Variants in R3HDM1 observed in about 807,000 individuals in gnomAD.
R3HDM1 encodes the protein R3H domain-containing protein 1.
Under a neutral mutation model 141.1 loss-of-function variants are expected in R3HDM1, and 46 were observed. The ratio of observed to expected loss-of-function variants is 0.33; its 90% confidence interval spans 0.26 to 0.42. R3HDM1 has a LOEUF of 0.42. R3HDM1 is among the 10% of genes least tolerant of loss of function. R3HDM1 has a pLI of 1.00. For missense variants in R3HDM1, 1,184 were observed against 1,368.3 expected (o/e 0.87, Z 2.12); for synonymous variants, 435 against 472.9 (o/e 0.92, Z 1.04).
At chr2:135,631,404 CAAA>C (rs760443899) in intron 7 of R3HDM1, among the ~76,000 whole-genome samples, 5 of 116,442 alleles carry the variant, frequency 4.3e-5, no homozygotes, top group African/African-American at 9.5e-5. Flanking sequence ...TGTGTGTAAG[CAAA>C]AAAAAAAAAA....
chr2:135,633,706 C>A (rs1020408946), intron 9 of R3HDM1: 1 of 152,126 alleles, frequency 6.6e-6, no homozygotes, highest in African/African-American at 2.4e-5. Context: ...GGAGATTACC[C>A]GCTCCAGCCT....
At chr2:135,620,698 A>G in intron 5 of R3HDM1, 1 of 939,466 alleles carries the variant, frequency 1.1e-6, no homozygotes, top group Non-Finnish European at 1.3e-6. Flanking sequence ...AGAATTTATT[A>G]TAGCTTTCTT....
Position 135,559,841 on chromosome 2 carries a change from T to C in R3HDM1, c.-250+28208T>C, listed in dbSNP as rs752896881. ...GCTGACTATAGCTTTCTCTCAGTAA[T>C]AAATTCATCTAAGTAATGAAACATT... On this transcript the variant is annotated intron_variant, in intron 1 of 26. Coordinates refer to ENST00000683871, the MANE Select transcript of R3HDM1 (RefSeq NM_001378107.1). 8.3e-4 allele frequency among the ~76,000 whole-genome samples: 126 copies of C among 152,226 alleles called. 2 individuals are homozygous for C. The highest frequency in any genetic ancestry group is 2.8e-4 in the Non-Finnish European group (19 of 68,038).
At chr2:135,624,152 T>A (rs2061768763) in intron 7 of R3HDM1, among the ~76,000 whole-genome samples, 1 of 152,104 alleles carries the variant, frequency 6.6e-6, no homozygotes, top group African/African-American at 2.4e-5. Context: ...TCCCAGCACT[T>A]TGGGAGGCCG....
rs368164506 is a variant in R3HDM1 at position 135,710,145 on chromosome 2, C to G, written c.2650C>G (p.Pro884Ala). ...TCCACAATCTTGTGCCCACTCACCC[C>G]CGCAGTGGAAACAAAACAAATATTA... The part of the protein sequence containing the change: ...NNPQSCAHSP[P>A]QWKQNKYYCD... Residue 884 changes from proline to alanine, a missense_variant, in exon 23 of 27, where the codon CCG becomes GCG. Pro to Ala is a conservative substitution (Grantham distance 27). Transcript: ENST00000683871. The G allele has an allele frequency of 1.1e-4, 178 of 1,613,914 alleles. No homozygotes were observed. Among genetic ancestry groups the G allele is most frequent in the Non-Finnish European group, 1.4e-4 (163 of 1,179,906 alleles).
rs1399604576 is a variant in R3HDM1, at chr2:135,721,917, C to G, written c.2882-7C>G. On this transcript the variant is annotated splice_region_variant and splice_polypyrimidine_tract_variant and intron_variant, in intron 24 of 26. Transcript: ENST00000683871. ...GCAATAAAATAAAATATTTTATTGA[C>G]TTTCAGGAGATTCCAGGTATCCATT... The G allele has an allele frequency of 6.2e-7, 1 of 1,610,310 alleles. No homozygotes were observed. The highest frequency in any genetic ancestry group is 8.5e-7 in the Non-Finnish European group (1 of 1,176,784).
At chr2:135,618,683 GA>G (rs1224645554) in intron 5 of R3HDM1, among the ~76,000 whole-genome samples, 2 of 151,490 alleles carry the variant, frequency 1.3e-5, no homozygotes, top group Non-Finnish European at 2.9e-5. Context: ...AATACAGTCT[GA>G]AAAAAAACCA....
At chr2:135,640,522 T>G (rs921197618) in intron 14 of R3HDM1, among the ~76,000 whole-genome samples, 3 of 152,200 alleles carry the variant, frequency 2.0e-5, no homozygotes, top group African/African-American at 7.2e-5. Flanking sequence ...TGAAAAGAAA[T>G]ATTAATTGGC....
At chr2:135,591,727 C>T (rs1322632803) in intron 1 of R3HDM1, among the ~76,000 whole-genome samples, 2 of 152,216 alleles carry the variant, frequency 1.3e-5, no homozygotes, top group Non-Finnish European at 2.9e-5. Flanking sequence ...CCCTGCTGAT[C>T]AGCTGGCTAC....
At chr2:135,552,300 A>G (rs930734486) in intron 1 of R3HDM1, among the ~76,000 whole-genome samples, 1 of 151,916 alleles carries the variant, frequency 6.6e-6, no homozygotes, top group African/African-American at 2.4e-5. Flanking sequence ...AGTTCAAGCA[A>G]TTCTCCCCCC....
At chr2:135,545,023 A>C (rs1270329819) in intron 1 of R3HDM1, among the ~76,000 whole-genome samples, 1 of 152,194 alleles carries the variant, frequency 6.6e-6, no homozygotes, top group Non-Finnish European at 1.5e-5. Context: ...ATAAAATGTA[A>C]ATAACCCCAC....
rs764463068 is a variant in R3HDM1 at position 135,702,476 on chromosome 2, C to T, written c.2460-6957C>T. On this transcript the variant is annotated intron_variant, in intron 21 of 26. Coordinates refer to ENST00000683871, the MANE Select transcript of R3HDM1 (RefSeq NM_001378107.1). ...GAGATCGAGACCATCCTGGCTAACA[C>T]GATGAAACCCCATCTCTACTAAAAA... is the stretch of plus-strand genomic sequence containing the variant. Among the ~76,000 whole-genome samples, 11 of 151,730 alleles carry T rather than the reference C, an allele frequency of 7.2e-5. No individual in the cohort carries two copies. The South Asian group carries it at 8.3e-4, about 11-fold the overall frequency.
intron 21 of R3HDM1, among the ~76,000 whole-genome samples, chr2:135,700,750 G>GA (rs1485297817): frequency 2.0e-5 from 3 of 152,122 alleles, no homozygotes; most frequent in Admixed American, 2.0e-4. Flanking sequence ...AACATAAAGA[G>GA]AAAAGACACA....
At chr2:135,651,414 A>C (rs1010411615) in intron 17 of R3HDM1, 1 of 979,648 alleles carries the variant, frequency 1.0e-6, no homozygotes, top group Non-Finnish European at 1.2e-6. Context: ...TTTCACTTCT[A>C]CATTCTAATG....
At chr2:135,571,234 A>T (rs1382634206) in intron 1 of R3HDM1, among the ~76,000 whole-genome samples, 1 of 152,208 alleles carries the variant, frequency 6.6e-6, no homozygotes, top group Admixed American at 6.5e-5. Context: ...ATTTTCACAG[A>T]TGGAAAAAAA....
intron 1 of R3HDM1, among the ~76,000 whole-genome samples, chr2:135,541,223 C>A (rs774367864): frequency 7.3e-5 from 11 of 151,606 alleles, no homozygotes; most frequent in Non-Finnish European, 1.2e-4. Context: ...TTTTTGGAGA[C>A]AGAGTCTTGC....
At chr2:135,707,855 A>C (rs2075133925) in intron 21 of R3HDM1, among the ~76,000 whole-genome samples, 3 of 152,302 alleles carry the variant, frequency 2.0e-5, no homozygotes, top group Non-Finnish European at 4.4e-5. Context: ...ATGATCCAAA[A>C]TCACTTTCTA....
chr2:135,661,349 A>G lies in R3HDM1; in HGVS notation c.2108A>G (p.Asn703Ser), dbSNP rs547366869. 43 of 1,613,960 alleles carry G rather than the reference A, an allele frequency of 2.7e-5. No homozygotes were observed. Among genetic ancestry groups the G allele is most frequent in the African/African-American group, 5.3e-5 (4 of 75,012 alleles). The change falls in exon 19 of 27, where the codon AAT (asparagine) becomes AGT (serine). Residue 703 changes from asparagine to serine, a missense_variant. Transcript: ENST00000683871. ...CGCCCAGTCCCTTCTGTTCATTACAATTCACATCTAAACCAACCACTGCCA... is the reference window on the plus strand; with the variant it reads ...CGCCCAGTCCCTTCTGTTCATTACAGTTCACATCTAAACCAACCACTGCCA... ...QYRPVPSVHYNSHLNQPLPQP... is the reference protein window; with the variant it reads ...QYRPVPSVHYSSHLNQPLPQP...
chr2:135,556,007 C>A, intron 1 of R3HDM1, among the ~76,000 whole-genome samples: 1 of 152,028 alleles, frequency 6.6e-6, no homozygotes. Context: ...TGGAACAAGA[C>A]CCTGTCCCAA....
Sources: gnomAD v4.1 joint callset for allele counts (sites outside exome capture counted in the v4.1 genomes callset) on GRCh38, gnomAD v4.1.1 for gene constraint, MANE v1.5 for transcripts, NCBI Gene and HGNC (gene_info 2026-07-23, HGNC 2026-07-21) for gene names.